The following PDCD10 variants were observed in gnomAD, a reference collection of about 807,000 sequenced individuals.
The protein encoded by PDCD10 is programmed cell death 10, also known as programmed cell death protein 10.
Under a neutral mutation model 29.2 loss-of-function variants are expected in PDCD10, and 4 were observed. That is an observed-to-expected ratio of 0.14 (90% CI 0.07 to 0.31). PDCD10 has a LOEUF of 0.31. Ranked by LOEUF, PDCD10 falls within the 10% of genes least tolerant of loss-of-function variation. The pLI is 1.00. For synonymous variants in PDCD10, 70 were observed against 82.2 expected (o/e 0.85, Z 0.80); for missense variants, 183 against 257.9 (o/e 0.71, Z 1.99).
chr3:167,706,722 G>C (rs574081661), intron 3 of PDCD10, among the ~76,000 whole-genome samples: 1 of 152,140 alleles, frequency 6.6e-6, no homozygotes, highest in South Asian at 2.1e-4. Context: ...TTACAATAAA[G>C]TCAAAAGCCT....
intron 3 of PDCD10, among the ~76,000 whole-genome samples, chr3:167,706,203 T>G (rs1553763122): frequency 6.6e-6 from 1 of 152,234 alleles, no homozygotes; most frequent in Non-Finnish European, 1.5e-5. Flanking sequence ...TCATTTTAAT[T>G]ACGTGAACCT....
At chr3:167,698,002 A>C (rs1216129134) in intron 4 of PDCD10, 1 of 456,582 alleles carries the variant, frequency 2.2e-6, no homozygotes, top group Non-Finnish European at 4.4e-6. Flanking sequence ...GCAAAATAGA[A>C]ACACAATTTA....
chr3:167,720,119 C>G lies in PDCD10; in HGVS notation c.39G>C (p.Glu13Asp), dbSNP rs780578142. The G allele has an allele frequency of 1.9e-6, 3 of 1,612,362 alleles. No individual in the cohort carries two copies. Among genetic ancestry groups the G allele is most frequent in the Non-Finnish European group, 2.5e-6 (3 of 1,178,784 alleles). Reference protein sequence around the residue: ...MTMEEMKNEAETTSMVSMPLY... With the variant: ...MTMEEMKNEADTTSMVSMPLY... Reference sequence around the variant, plus strand: ...GGGGCATAGAAACCATGGATGTGGTCTCAGCTTCATTCTTCATCTCTTCCA... The same window carrying G: ...GGGGCATAGAAACCATGGATGTGGTGTCAGCTTCATTCTTCATCTCTTCCA... Residue 13 changes from glutamate (E) to aspartate (D), a missense_variant, in exon 3 of 9, where the codon GAG (glutamate) becomes GAC (aspartate). Glu to Asp is a conservative substitution (Grantham distance 45). Coordinates refer to ENST00000392750, the MANE Select transcript of PDCD10 (RefSeq NM_007217.4).
chr3:167,721,144 A>G (rs536210721), intron 2 of PDCD10, among the ~76,000 whole-genome samples: 1 of 152,316 alleles, frequency 6.6e-6, no homozygotes, highest in East Asian at 1.9e-4. Context: ...CATATATTAA[A>G]CAAAAAGCCA....
At chr3:167,711,622 A>C (rs1722528729) in intron 3 of PDCD10, among the ~76,000 whole-genome samples, 1 of 152,196 alleles carries the variant, frequency 6.6e-6, no homozygotes, top group South Asian at 2.1e-4. Flanking sequence ...AACAACAGAG[A>C]ACTTCCCAAA....
chr3:167,702,960 G>A (rs907412444), intron 4 of PDCD10, among the ~76,000 whole-genome samples: 32 of 152,022 alleles, frequency 2.1e-4, no homozygotes, highest in Admixed American at 1.3e-3. Flanking sequence ...CATCTATCAC[G>A]GTCACATAAT....
intron 3 of PDCD10, among the ~76,000 whole-genome samples, chr3:167,707,053 T>TCTTGAGTTCCTACCATGTA (rs1175530868): frequency 6.6e-6 from 1 of 152,206 alleles, no homozygotes; most frequent in Non-Finnish European, 1.5e-5. Flanking sequence ...ACTGACATAT[T>TCTTGAGTTCCTACCATGTA]CTTGAGTTCC....
At chr3:167,732,844 A>G (rs1577385033) in intron 2 of PDCD10, among the ~76,000 whole-genome samples, 1 of 152,210 alleles carries the variant, frequency 6.6e-6, no homozygotes, top group African/African-American at 2.4e-5. Flanking sequence ...TCACTGACTC[A>G]TGTTCAGTTT....
At chr3:167,711,993 G>T (rs377596370) in intron 3 of PDCD10, among the ~76,000 whole-genome samples, 1 of 152,186 alleles carries the variant, frequency 6.6e-6, no homozygotes, top group South Asian at 2.1e-4. Context: ...CACTAGACTT[G>T]TCCTAGAAGA....
intron 3 of PDCD10, among the ~76,000 whole-genome samples, chr3:167,714,721 A>G (rs1465401701): frequency 6.6e-6 from 1 of 152,034 alleles, no homozygotes; most frequent in Non-Finnish European, 1.5e-5. Flanking sequence ...AATACCAAGG[A>G]ATTAAGTTAA....
intron 4 of PDCD10, among the ~76,000 whole-genome samples, chr3:167,704,081 T>A (rs1721721883): frequency 6.6e-6 from 1 of 152,146 alleles, no homozygotes; most frequent in Admixed American, 6.5e-5. Context: ...TTATTTTGAG[T>A]AACTTAACTG....
chr3:167,687,745 G>T, intron 6 of PDCD10, 52 bp from the exon 7 acceptor site: 1 of 966,928 alleles, frequency 1.0e-6, no homozygotes, highest in Non-Finnish European at 1.7e-6. Flanking sequence ...AAATTTGTGA[G>T]AGAAAAGAAC....
At chr3:167,722,839 C>G (rs1289395542) in intron 2 of PDCD10, among the ~76,000 whole-genome samples, 2 of 152,160 alleles carry the variant, frequency 1.3e-5, no homozygotes, top group Non-Finnish European at 2.9e-5. Flanking sequence ...TAAACCTACT[C>G]AAATACTTAA....
rs773691623 is a variant in PDCD10, at chr3:167,699,151, T to C, written c.151-2025A>G. ...TGGGCACTTCATAATTTCTCAAACA[T>C]TGGTCTTAGATTGGACCTTGCCCCT... On this transcript the variant is annotated intron_variant, in intron 4 of 8. Transcript: ENST00000392750. Among the ~76,000 whole-genome samples, 51 of 152,346 alleles carry C rather than the reference T, an allele frequency of 3.3e-4. No homozygotes were observed. The highest frequency in any genetic ancestry group is 5.4e-4 in the Non-Finnish European group (37 of 68,032).
chr3:167,725,766 TATATA>T (rs1559978629), intron 2 of PDCD10, among the ~76,000 whole-genome samples: 44 of 6,436 alleles, frequency 6.8e-3, no homozygotes, highest in African/African-American at 0.032. Flanking sequence ...GTATCGTTTA[TATATA>T]TATATATATA....
chr3:167,688,413 T>C (rs1005567295), intron 6 of PDCD10, among the ~76,000 whole-genome samples: 1 of 152,158 alleles, frequency 6.6e-6, no homozygotes, highest in African/African-American at 2.4e-5. Context: ...TTCCCAGCAA[T>C]CATCCTTTGA....
At chr3:167,733,806 C>T (rs73878771) in intron 2 of PDCD10, among the ~76,000 whole-genome samples, 1 of 152,118 alleles carries the variant, frequency 6.6e-6, no homozygotes, top group African/African-American at 2.4e-5. Context: ...TGTTGTTCTC[C>T]CATCCTATTA....
At chr3:167,717,513 C>A (rs1382445147) in intron 3 of PDCD10, among the ~76,000 whole-genome samples, 1 of 151,656 alleles carries the variant, frequency 6.6e-6, no homozygotes, top group African/African-American at 2.4e-5. Flanking sequence ...AATATAATTT[C>A]CCTATTAGAT....
intron 4 of PDCD10, among the ~76,000 whole-genome samples, chr3:167,701,022 G>T (rs1302559280): frequency 1.3e-5 from 2 of 152,148 alleles, no homozygotes; most frequent in Non-Finnish European, 2.9e-5. Flanking sequence ...ATGAAGTCTG[G>T]TTTATGATCA....
Sources: gnomAD v4.1 joint callset for allele counts (sites outside exome capture counted in the v4.1 genomes callset) on GRCh38, gnomAD v4.1.1 for gene constraint, MANE v1.5 for transcripts, NCBI Gene and HGNC (gene_info 2026-07-23, HGNC 2026-07-21) for gene names.